PLXNB2: variants seen among roughly 807,000 people sequenced by gnomAD.
PLXNB2 encodes the protein plexin B2, also known as plexin-B2.
PLXNB2 carries 85 observed loss-of-function variants against 202.6 expected under a neutral mutation model. That is an observed-to-expected ratio of 0.42 (90% confidence interval 0.35 to 0.50). The LOEUF (loss-of-function observed/expected upper bound fraction) is 0.50. PLXNB2 is among the 20% of genes least tolerant of loss of function. The pLI is 0.02. For synonymous variants in PLXNB2, 1,239 were observed against 1,137.6 expected, an observed-to-expected ratio of 1.09 and a Z score of -1.79; for missense variants, 2,063 against 2,586.2, an observed-to-expected ratio of 0.80 and a Z score of 4.39.
rs2066246072 is a variant in PLXNB2 at position 50,284,186 on chromosome 22, G to A, written c.2209C>T (p.Pro737Ser). The A allele has an allele frequency of 1.9e-6, 3 of 1,612,880 alleles. No homozygotes were observed. Among genetic ancestry groups the A allele is most frequent in the Non-Finnish European group, 2.5e-6 (3 of 1,179,764 alleles). The change falls in exon 13 of 37, where the codon CCC becomes TCC. Residue 737 changes from proline to serine, a missense_variant. By Grantham distance (74) the Pro-to-Ser change is moderately conservative (BLOSUM62 -1). Transcript: ENST00000359337. This position sits in a 1 kb window ranked among gnomAD's most constrained non-coding sequence, Gnocchi z 8.0. ...TAAGACTTGACGTAGAGGTGCAGGGGCAGCGTCTCGTTGGCATCGTGGGAC... is the reference window on the plus strand; with the variant it reads ...TAAGACTTGACGTAGAGGTGCAGGGACAGCGTCTCGTTGGCATCGTGGGAC... ...KLSHDANETL[P>S]LHLYVKSYGK...
chr22:50,278,282 C>A lies in PLXNB2; in HGVS notation c.4733-11G>T, dbSNP rs374439102. 3.1e-6 allele frequency: 5 copies of A among 1,610,052 alleles called. No individual in the cohort carries two copies. Among genetic ancestry groups the A allele is most frequent in the East Asian group, 4.5e-5 (2 of 44,878 alleles). On this transcript the variant is annotated splice_polypyrimidine_tract_variant and intron_variant, in intron 30 of 36. Transcript: ENST00000359337. ...CCAGGAGGGCATGGCCTGTGGGGAG[C>A]GGGCACTGAGGGACCCCTACCCAGG...
At chr22:50,296,762 T>G (rs952128314) in intron 1 of PLXNB2, among the ~76,000 whole-genome samples, 3 of 152,130 alleles carry the variant, frequency 2.0e-5, no homozygotes, top group Non-Finnish European at 4.4e-5. Context: ...GGCCAGGTTG[T>G]GTGCCAGCAA....
chr22:50,283,814 C>T lies in PLXNB2; in HGVS notation c.2421+19G>A, dbSNP rs776404698. On this transcript the variant is annotated intron_variant, in intron 14 of 36. Coordinates refer to ENST00000359337, the MANE Select transcript of PLXNB2 (RefSeq NM_012401.4). Reference sequence around the variant, plus strand: ...GCCAGGGACGAGGGAAGGTGTAGGCCAGGCTTCGAGGGGCTCACCCTGGTG... The same window carrying T: ...GCCAGGGACGAGGGAAGGTGTAGGCTAGGCTTCGAGGGGCTCACCCTGGTG... 4 of 1,611,366 alleles carry T rather than the reference C, an allele frequency of 2.5e-6. No homozygotes were observed. Among genetic ancestry groups the T allele is most frequent in the Non-Finnish European group, 3.4e-6 (4 of 1,178,472 alleles).
chr22:50,282,840 T>G lies in PLXNB2; in HGVS notation c.2858A>C (p.Gln953Pro), dbSNP rs927746358. ...GAQLQCVTGP[Q>P]ATRGQMLLEV... ...CAGAAGCATCTGGCCCCGTGTCGCC[T>G]GGGGGCCAGTGACACACTGGAGCTG... The change falls in exon 18 of 37, where the codon CAG becomes CCG. Residue 953 changes from glutamine (Q) to proline (P), a missense_variant. Coordinates refer to ENST00000359337, the MANE Select transcript of PLXNB2 (RefSeq NM_012401.4). 6.2e-7 allele frequency: 1 copy of G among 1,612,380 alleles called. No individual in the cohort carries two copies. The highest frequency in any genetic ancestry group is 1.7e-5 in the Admixed American group (1 of 59,962).
intron 1 of PLXNB2, among the ~76,000 whole-genome samples, chr22:50,306,432 C>T (rs753508655): frequency 3.3e-5 from 5 of 152,260 alleles, no homozygotes; most frequent in Non-Finnish European, 7.3e-5. Context: ...GCTCCTCCCA[C>T]CAGCTGTTCA....
intron 35 of PLXNB2, 70 bp downstream of exon 35, chr22:50,276,559 C>G: frequency 7.5e-7 from 1 of 1,331,096 alleles, no homozygotes; most frequent in South Asian, 1.2e-5. Flanking sequence ...CCCTGCAGCT[C>G]AGGGCCAGGC....
chr22:50,280,566 C>A lies in PLXNB2; in HGVS notation c.4098G>T (p.Thr1366=). ...VALHGKLEYY[T]DIMHTLFLEL... The stretch of plus-strand genomic sequence containing the variant: ...CCAGGAAGAGCGTGTGCATGATGTC[C>A]GTGTAGTACTCCAGTTTCCCGTGCA... Residue 1366 remains threonine (T), a synonymous_variant, in exon 25 of 37, where the codon ACG becomes ACT. Transcript: ENST00000359337. The A allele has an allele frequency of 6.2e-7, 1 of 1,612,286 alleles. No homozygotes were observed. The highest frequency in any genetic ancestry group is 8.5e-7 in the Non-Finnish European group (1 of 1,179,842).
Position 50,289,131 on chromosome 22 carries a change from C to T in PLXNB2, c.1080G>A (p.Lys360=). The T allele has an allele frequency of 6.3e-7, 1 of 1,576,974 alleles. No homozygotes were observed. The highest frequency in any genetic ancestry group is 1.1e-5 in the South Asian group (1 of 89,654). The part of the protein sequence containing the change: ...QCGGHAPGSS[K]SFPCGSEHLP... Reference sequence around the variant, plus strand: ...GGTGCTCCGAGCCACATGGGAAGCTCTTGCTGGAGCCCTGCGGACCACAGC... The same window carrying T: ...GGTGCTCCGAGCCACATGGGAAGCTTTTGCTGGAGCCCTGCGGACCACAGC... Residue 360 remains lysine (K), a synonymous_variant, in exon 4 of 37, where the codon AAG becomes AAA. Transcript: ENST00000359337. The surrounding 1 kb of genome is among the most constrained non-coding windows in gnomAD (Gnocchi z 8.0).
At chr22:50,285,010 C>A in intron 11 of PLXNB2, 1 of 443,986 alleles carries the variant, frequency 2.3e-6, no homozygotes. Flanking sequence ...CCTGCCTCCT[C>A]CACTGCCTCT....
At position 50,278,967 on chromosome 22, in the gene PLXNB2, C is replaced by A. The variant is rs755537905; in HGVS notation, c.4434G>T (p.Pro1478=). 6.2e-7 allele frequency: 1 copy of A among 1,613,648 alleles called. No homozygotes were observed. Among genetic ancestry groups the A allele is most frequent in the Non-Finnish European group, 8.5e-7 (1 of 1,179,834 alleles). The stretch of plus-strand genomic sequence containing the variant: ...TGGTGTCACAGTTGAGGACCTTCAC[C>A]GGGATGGCGTCCACTCCCTCGTCCT... ...IVQDEGVDAI[P]VKVLNCDTIS... is the part of the protein sequence containing the mutation. Residue 1478 remains proline, a synonymous_variant, in exon 28 of 37, where the codon CCG becomes CCT. Transcript: ENST00000359337.
At chr22:50,277,361 C>T (rs1001712071) in intron 33 of PLXNB2, among the ~76,000 whole-genome samples, 2 of 152,126 alleles carry the variant, frequency 1.3e-5, no homozygotes, top group Admixed American at 6.5e-5. Context: ...TTTCTCTGCT[C>T]GTGTGCTGTG....
Position 50,280,620 on chromosome 22 carries a change from G to C in PLXNB2, c.4044C>G (p.Val1348=). The part of the protein sequence containing the change: ...NQREFSARAK[V]YFASLLTVAL... ...CCACCGTCAGCAGGGACGCGAAGTA[G>C]ACCTTGGCGCGGGCCGAGAACTCCC... Residue 1348 remains valine, a synonymous_variant, in exon 25 of 37, where the codon GTC becomes GTG. Transcript: ENST00000359337. 1 of 1,612,740 alleles carries C rather than the reference G, an allele frequency of 6.2e-7. No homozygotes were observed. Among genetic ancestry groups the C allele is most frequent in the Non-Finnish European group, 8.5e-7 (1 of 1,179,908 alleles).
In PLXNB2 at chr22:50,289,680, C is replaced by T. The variant is rs760065938; in HGVS notation, c.905G>A (p.Arg302Gln). ...VLYAVFSRDS[R>Q]SSGGPGAGLC... ...GCCCGCACCGGGCCCCCCACTGCTC[C>T]GGCTGTCTCTGCTGAAGACAGCATA... The change falls in exon 3 of 37, where the codon CGG (arginine) becomes CAG (glutamine). Residue 302 changes from arginine to glutamine, a missense_variant. By Grantham distance (43) the Arg-to-Gln change is conservative. This residue lies in a region of PLXNB2 where 1,303 missense variants were observed against 1,476.8 expected (regional missense o/e 0.88). Coordinates refer to ENST00000359337, the MANE Select transcript of PLXNB2 (RefSeq NM_012401.4). This position sits in a 1 kb window ranked among gnomAD's most constrained non-coding sequence, Gnocchi z 8.0. 2.0e-5 allele frequency: 32 copies of T among 1,610,194 alleles called. No individual in the cohort carries two copies. Among genetic ancestry groups the T allele is most frequent in the African/African-American group, 5.3e-5 (4 of 74,944 alleles).
intron 1 of PLXNB2, 23 bp downstream of exon 1, chr22:50,307,530 G>C: frequency 1.0e-6 from 1 of 978,148 alleles, no homozygotes; most frequent in Non-Finnish European, 1.2e-6. Flanking sequence ...GTCCCCCGCA[G>C]CCCAGTCCCC....
chr22:50,291,133 C>A lies in PLXNB2; in HGVS notation c.-13-536G>T, dbSNP rs1354700830. On this transcript the variant is annotated intron_variant, in intron 2 of 36. Transcript: ENST00000359337. The surrounding 1 kb of genome is among the most constrained non-coding windows in gnomAD (Gnocchi z 4.3). ...GAGGGGTGCCCTGTGCATAGCCCAGCAAGTGCACATGCTGTTTACAACTGC... is the reference window on the plus strand; with the variant it reads ...GAGGGGTGCCCTGTGCATAGCCCAGAAAGTGCACATGCTGTTTACAACTGC... Among the ~76,000 whole-genome samples, 2 of 152,156 alleles carry A rather than the reference C, an allele frequency of 1.3e-5. No homozygotes were observed. Among genetic ancestry groups the A allele is most frequent in the Non-Finnish European group, 2.9e-5 (2 of 68,022 alleles).
At chr22:50,293,651 C>T (rs543176466) in intron 2 of PLXNB2, among the ~76,000 whole-genome samples, 3 of 152,336 alleles carry the variant, frequency 2.0e-5, no homozygotes, top group East Asian at 1.9e-4. Flanking sequence ...GCGGGGCCCA[C>T]GGTCCCCTCG....
chr22:50,305,204 G>A (rs74943788), intron 1 of PLXNB2, among the ~76,000 whole-genome samples: 1,601 of 152,288 alleles, frequency 0.011, 39 homozygotes, highest in African/African-American at 0.036. Context: ...GGCAGGACAC[G>A]GTGAGCACGG....
rs1472702381 is a variant in PLXNB2, at chr22:50,288,718, C to T, written c.1380+25G>A. The T allele has an allele frequency of 1.2e-6, 2 of 1,611,418 alleles. No individual in the cohort carries two copies. The highest frequency in any genetic ancestry group is 2.2e-5 in the East Asian group (1 of 44,842). ...GACCGGGCACACTTGGCCTAGAGTG[C>T]TCTCCGGGGCTGCGTCTGGCTCACC... is the stretch of plus-strand genomic sequence containing the variant. On this transcript the variant is annotated intron_variant, in intron 5 of 36. Coordinates refer to ENST00000359337, the MANE Select transcript of PLXNB2 (RefSeq NM_012401.4). The surrounding 1 kb of genome is among the most constrained non-coding windows in gnomAD (Gnocchi z 5.0).
intron 2 of PLXNB2, among the ~76,000 whole-genome samples, chr22:50,293,292 T>C (rs1210296399): frequency 2.0e-5 from 3 of 152,042 alleles, no homozygotes; most frequent in South Asian, 2.1e-4. Flanking sequence ...GAGAGGCCCG[T>C]AGGCTACAGC....
Sources: allele counts gnomAD v4.1 joint callset (sites outside exome capture counted in the v4.1 genomes callset), GRCh38; gene constraint gnomAD v4.1.1; regional missense constraint gnomAD v4.1.1; non-coding constraint Gnocchi (gnomAD v3.1); transcripts MANE v1.5; gene names NCBI Gene and HGNC (gene_info 2026-07-23, HGNC 2026-07-21).